EEF1E1: variants seen among roughly 807,000 people sequenced by gnomAD.
EEF1E1 encodes eukaryotic translation elongation factor 1 epsilon 1.
A neutral mutation model predicts 19.9 loss-of-function variants in EEF1E1; 19 were observed. The ratio of observed to expected loss-of-function variants is 0.95; its 90% CI spans 0.66 to 1.40. EEF1E1 has a LOEUF of 1.40. Ranked by LOEUF, EEF1E1 falls within the 40% of genes most tolerant of loss-of-function variation. The probability of loss-of-function intolerance (pLI) is 0.00; values close to 1 mark genes in which losing one functional copy is unlikely to be tolerated. For synonymous variants in EEF1E1, 81 were observed against 80.0 expected (o/e 1.01, Z -0.07); for missense variants, 198 against 202.2 (o/e 0.98, Z 0.13).
intron 3 of EEF1E1, among the ~76,000 whole-genome samples, chr6:8,088,003 T>C (rs1242285648): frequency 2.0e-5 from 3 of 152,100 alleles, no homozygotes; most frequent in African/African-American, 7.2e-5. Context: ...AAGTGTCTGG[T>C]TTCTGGACCT....
intron 3 of EEF1E1, among the ~76,000 whole-genome samples, chr6:8,088,243 G>A (rs1757917967): frequency 6.6e-6 from 1 of 152,094 alleles, no homozygotes; most frequent in Non-Finnish European, 1.5e-5. Flanking sequence ...TGTAGGTAGT[G>A]GACAAGATTG....
Position 8,102,466 on chromosome 6 carries a change from C to G in EEF1E1, c.56G>C (p.Gly19Ala), listed in dbSNP as rs1487048489. 1 of 1,612,582 alleles carries G rather than the reference C, an allele frequency of 6.2e-7. No homozygotes were observed. The highest frequency in any genetic ancestry group is 8.5e-7 in the Non-Finnish European group (1 of 1,179,988). Residue 19 changes from glycine (G) to alanine (A), a missense_variant, in exon 1 of 4, where the codon GGG (glycine) becomes GCG (alanine). Transcript: ENST00000379715. ...LLEKSLGLSKGNKYSAQGERQ... is the reference protein window; with the variant it reads ...LLEKSLGLSKANKYSAQGERQ... The stretch of plus-strand genomic sequence containing the variant: ...CTCGCCCTGAGCACTGTATTTATTC[C>G]CCTTACTCAGTCCCAGGGACTTCTC...
chr6:8,089,424 A>G (rs977773119), intron 3 of EEF1E1, among the ~76,000 whole-genome samples: 1 of 152,206 alleles, frequency 6.6e-6, no homozygotes, highest in East Asian at 1.9e-4. Context: ...CAGGCTGAGG[A>G]GCAAGGAGAG....
chr6:8,099,359 A>G (rs960534626), intron 1 of EEF1E1, among the ~76,000 whole-genome samples: 1 of 152,216 alleles, frequency 6.6e-6, no homozygotes, highest in Non-Finnish European at 1.5e-5. Context: ...ATTATTCAGT[A>G]CAGTAACATG....
At chr6:8,101,242 AAATAT>A (rs1204288872) in intron 1 of EEF1E1, among the ~76,000 whole-genome samples, 2 of 76,982 alleles carry the variant, frequency 2.6e-5, no homozygotes, top group Non-Finnish European at 4.9e-5. Flanking sequence ...AAAAAAAAAA[AAATAT>A]ATATATATAT....
chr6:8,081,258 TAA>T (rs1295832903), intron 3 of EEF1E1, among the ~76,000 whole-genome samples: 5 of 152,206 alleles, frequency 3.3e-5, no homozygotes, highest in Non-Finnish European at 7.3e-5. Flanking sequence ...TAGCACATTA[TAA>T]AAACATATTC....
At position 8,085,291 on chromosome 6, in the gene EEF1E1, T is replaced by G. The variant is rs192878397; in HGVS notation, c.384+4895A>C. ...TTCCCCCAAGTAGCTGGGACTACAG[T>G]CACAGAGCTACCACGCCTGGTTAAT... On this transcript the variant is annotated intron_variant, in intron 3 of 3. Coordinates refer to ENST00000379715, the MANE Select transcript of EEF1E1 (RefSeq NM_004280.5). Among the ~76,000 whole-genome samples the G allele has an allele frequency of 1.8e-3, 272 of 150,982 alleles. 3 individuals are homozygous for G. Among genetic ancestry groups the G allele is most frequent in the African/African-American group, 6.3e-3 (261 of 41,196 alleles).
intron 2 of EEF1E1, among the ~76,000 whole-genome samples, chr6:8,092,869 CTTTTTTTT>C (rs942764776): frequency 1.1e-5 from 1 of 93,764 alleles, no homozygotes; most frequent in Non-Finnish European, 2.0e-5. Flanking sequence ...ATAAAGACTG[CTTTTTTTT>C]TTTTTTTTTT....
At chr6:8,095,619 A>G (rs1167464041) in intron 2 of EEF1E1, 1 of 155,856 alleles carries the variant, frequency 6.4e-6, no homozygotes, top group Non-Finnish European at 1.4e-5. Flanking sequence ...AAAAAAAGGC[A>G]TAGAAAAAAC....
intron 3 of EEF1E1, among the ~76,000 whole-genome samples, chr6:8,073,855 A>G (rs1279383098): frequency 6.6e-6 from 1 of 152,232 alleles, no homozygotes; most frequent in African/African-American, 2.4e-5. Flanking sequence ...TTTAAGCATT[A>G]CTCACTGTGA....
intron 3 of EEF1E1, among the ~76,000 whole-genome samples, chr6:8,086,652 C>T (rs1409972775): frequency 6.6e-6 from 1 of 152,208 alleles, no homozygotes; most frequent in Non-Finnish European, 1.5e-5. Context: ...CTTTAAACCA[C>T]TCAAGTTTCC....
At chr6:8,076,973 C>T (rs1448920582), downstream of EEF1E1, among the ~76,000 whole-genome samples, 5 of 99,574 alleles carry the variant, frequency 5.0e-5, no homozygotes, top group Admixed American at 2.3e-4. Context: ...GATGGAGTCT[C>T]GCGCTGTCGC....
rs1427786133 is a variant in EEF1E1, at chr6:8,097,330, T to C, written c.225A>G (p.Leu75=). 4.3e-6 allele frequency: 7 copies of C among 1,614,110 alleles called. No homozygotes were observed. Among genetic ancestry groups the C allele is most frequent in the Non-Finnish European group, 5.9e-6 (7 of 1,180,040 alleles). The stretch of plus-strand genomic sequence containing the variant: ...CATCTACTTGAGTGACCCTGTATTC[T>C]AACCACTGCTGAACGATTGCTTTTT... ...AEEKAIVQQW[L]EYRVTQVDGH... is the part of the protein sequence containing the mutation. Residue 75 remains leucine, a synonymous_variant, in exon 2 of 4, where the codon TTA becomes TTG. Coordinates refer to ENST00000379715, the MANE Select transcript of EEF1E1 (RefSeq NM_004280.5).
At chr6:8,077,199 T>C (rs960501746), downstream of EEF1E1, among the ~76,000 whole-genome samples, 4 of 152,186 alleles carry the variant, frequency 2.6e-5, no homozygotes, top group Non-Finnish European at 5.9e-5. Flanking sequence ...CGCCTTGGCC[T>C]CCCAAAGTGC....
intron 3 of EEF1E1, among the ~76,000 whole-genome samples, chr6:8,081,467 G>A (rs2113637634): frequency 6.6e-6 from 1 of 152,242 alleles, no homozygotes; most frequent in East Asian, 1.9e-4. Flanking sequence ...AGGCTAACTG[G>A]TAGATTCAAA....
At chr6:8,101,243 A>AAAATATATAT (rs1271033598) in intron 1 of EEF1E1, among the ~76,000 whole-genome samples, 8 of 58,472 alleles carry the variant, frequency 1.4e-4, no homozygotes, top group African/African-American at 3.1e-4. Context: ...AAAAAAAAAA[A>AAAATATATAT]ATATATATAT....
rs199734021 is a variant in EEF1E1, at chr6:8,094,569, TAA to T, written c.288+2696_288+2697del. Among the ~76,000 whole-genome samples the T allele has an allele frequency of 5.1e-3, 708 of 139,456 alleles. 7 individuals carry two copies. The highest frequency in any genetic ancestry group is 0.017 in the African/African-American group (644 of 37,716). 91.5% of individuals were successfully genotyped at this position (139,456 alleles called of 152,430 possible). On this transcript the variant is annotated intron_variant, in intron 2 of 3. Coordinates refer to ENST00000379715, the MANE Select transcript of EEF1E1 (RefSeq NM_004280.5). The stretch of plus-strand genomic sequence containing the variant: ...CTGTGTGACAGAGCAAGACTCTATT[TAA>T]AAAAAAAAAAAAAAAATTAGGCTAA...
intron 1 of EEF1E1, chr6:8,101,791 G>A (rs1554099914): frequency 3.9e-6 from 5 of 1,289,258 alleles, no homozygotes; most frequent in Non-Finnish European, 2.0e-6. Flanking sequence ...CATTCACTGT[G>A]GGTCGTAACA....
downstream of EEF1E1, among the ~76,000 whole-genome samples, chr6:8,074,425 A>G (rs1273914478): frequency 6.6e-6 from 1 of 152,184 alleles, no homozygotes; most frequent in East Asian, 1.9e-4. Flanking sequence ...TGGTGTGCCA[A>G]TGATTGTTCT....
Sources: allele counts gnomAD v4.1 joint callset (sites outside exome capture counted in the v4.1 genomes callset), GRCh38; gene constraint gnomAD v4.1.1; transcripts MANE v1.5; gene names NCBI Gene and HGNC (gene_info 2026-07-23, HGNC 2026-07-21).